The following PDE4D variants were observed in gnomAD, a reference collection of about 807,000 sequenced individuals.
PDE4D encodes 3',5'-cyclic-AMP phosphodiesterase 4D.
Under a neutral mutation model 87.4 loss-of-function variants are expected in PDE4D, and 24 were observed. That is an observed-to-expected ratio of 0.27 (90% confidence interval 0.20 to 0.39). The LOEUF is 0.39. PDE4D is among the 10% of genes least tolerant of loss of function. PDE4D has a pLI of 1.00. For synonymous variants in PDE4D, 384 were observed against 383.2 expected, an observed-to-expected ratio of 1.00 and a Z score of -0.02; for missense variants, 714 against 1,041.0, an observed-to-expected ratio of 0.69 and a Z score of 4.32.
At chr5:59,631,476 G>T (rs1381707526) in intron 1 of PDE4D, among the ~76,000 whole-genome samples, 1 of 150,034 alleles carries the variant, frequency 6.7e-6, no homozygotes, top group East Asian at 2.0e-4. Context: ...AATAGAAACA[G>T]CTCCGGCCTG....
chr5:60,496,313 A>T (rs1749813317), intron 1 of PDE4D, among the ~76,000 whole-genome samples: 1 of 152,200 alleles, frequency 6.6e-6, no homozygotes, highest in African/African-American at 2.4e-5. Context: ...ACTTGGTCTT[A>T]AACTGCCTAA....
At chr5:60,273,417 T>C (rs1751021885) in intron 1 of PDE4D, among the ~76,000 whole-genome samples, 1 of 152,182 alleles carries the variant, frequency 6.6e-6, no homozygotes, top group Non-Finnish European at 1.5e-5. Flanking sequence ...AAGCACCAGA[T>C]AATTAATAAT....
intron 3 of PDE4D, among the ~76,000 whole-genome samples, chr5:59,905,611 T>C (rs1467632696): frequency 6.6e-6 from 1 of 152,138 alleles, no homozygotes; most frequent in Non-Finnish European, 1.5e-5. Flanking sequence ...GTCAGTTTTT[T>C]CATCGATGAA....
intron 2 of PDE4D, among the ~76,000 whole-genome samples, chr5:59,202,090 A>G (rs970271125): frequency 1.4e-4 from 17 of 122,848 alleles, no homozygotes; most frequent in East Asian, 6.9e-4. Context: ...CCAGGCTGGA[A>G]TGCAGTGGCT....
chr5:59,906,886 C>T (rs549137254), intron 3 of PDE4D, among the ~76,000 whole-genome samples: 1 of 152,222 alleles, frequency 6.6e-6, no homozygotes, highest in South Asian at 2.1e-4. Flanking sequence ...TGGGTATATA[C>T]CCAAAGGAAT....
intron 5 of PDE4D, among the ~76,000 whole-genome samples, chr5:59,116,411 G>C (rs180692722): frequency 1.4e-4 from 22 of 152,236 alleles, no homozygotes; most frequent in Admixed American, 5.2e-4. Context: ...GACCTGCAGA[G>C]ACAGGTTTTA....
intron 1 of PDE4D, among the ~76,000 whole-genome samples, chr5:59,648,946 G>A (rs1247174320): frequency 1.3e-5 from 2 of 152,154 alleles, no homozygotes; most frequent in South Asian, 2.1e-4. Context: ...GTTCTCTCCC[G>A]AAAAGGCAAT....
Position 60,374,292 on chromosome 5 carries a change from C to A in PDE4D, c.-90+113650G>T, listed in dbSNP as rs530204811. 2.6e-5 allele frequency among the ~76,000 whole-genome samples: 4 copies of A among 151,882 alleles called. No individual in the cohort carries two copies. In the South Asian group the frequency reaches 6.2e-4, roughly 24 times the overall value. ...ACACTTTTTGCCATCTCTCTCCCCCCAAAAAAACACCATCAACATTTTGAA... is the reference window on the plus strand; with the variant it reads ...ACACTTTTTGCCATCTCTCTCCCCCAAAAAAAACACCATCAACATTTTGAA... On this transcript the variant is annotated intron_variant, in intron 1 of 16. Coordinates refer to the PDE4D transcript ENST00000502484.
chr5:60,186,870 G>A (rs1784824184), intron 1 of PDE4D, among the ~76,000 whole-genome samples: 1 of 152,108 alleles, frequency 6.6e-6, no homozygotes, highest in African/African-American at 2.4e-5. Flanking sequence ...CAAAATGAAA[G>A]CAGAGAAGCC....
chr5:59,822,995 C>T (rs1356164160), intron 1 of PDE4D, among the ~76,000 whole-genome samples: 2 of 152,206 alleles, frequency 1.3e-5, no homozygotes, highest in Admixed American at 6.5e-5. Context: ...GAGTTATACC[C>T]TGGTTTACAG....
At chr5:59,352,991 AT>A (rs1193498054) in intron 1 of PDE4D, among the ~76,000 whole-genome samples, 2 of 152,162 alleles carry the variant, frequency 1.3e-5, no homozygotes, top group Non-Finnish European at 1.5e-5. Context: ...CCCTATTACT[AT>A]AAAGGGCAAG....
chr5:60,051,903 C>T (rs763790993), intron 2 of PDE4D, among the ~76,000 whole-genome samples: 1 of 152,126 alleles, frequency 6.6e-6, no homozygotes, highest in Non-Finnish European at 1.5e-5. Flanking sequence ...TCAGAGTATA[C>T]TATGAACAGC....
chr5:59,689,361 G>T (rs1750496631), intron 1 of PDE4D, among the ~76,000 whole-genome samples: 1 of 152,164 alleles, frequency 6.6e-6, no homozygotes, highest in Non-Finnish European at 1.5e-5. Flanking sequence ...ACATCAAAAA[G>T]CTTATCCACC....
chr5:59,705,625 CTTAAA>C (rs1753273560), intron 1 of PDE4D, among the ~76,000 whole-genome samples: 1 of 152,172 alleles, frequency 6.6e-6, no homozygotes, highest in Non-Finnish European at 1.5e-5. Context: ...TAGCACCTTA[CTTAAA>C]TTAAGAAGAC....
At chr5:60,081,488 G>C (rs1773944707) in intron 2 of PDE4D, among the ~76,000 whole-genome samples, 1 of 152,038 alleles carries the variant, frequency 6.6e-6, no homozygotes, top group East Asian at 1.9e-4. Context: ...ATATTAGGGT[G>C]TCGATTTGAG....
chr5:59,392,512 T>TATATATATATAC (rs1788446955), intron 1 of PDE4D, among the ~76,000 whole-genome samples: 1 of 150,356 alleles, frequency 6.7e-6, no homozygotes, highest in South Asian at 2.1e-4. Context: ...TCTATATATA[T>TATATATATATAC]ATATATATAT....
chr5:59,173,550 C>T (rs542467755), intron 5 of PDE4D, among the ~76,000 whole-genome samples: 31 of 152,148 alleles, frequency 2.0e-4, no homozygotes, highest in Admixed American at 1.6e-3. Context: ...TTAGGAAATC[C>T]GACAGTCATT....
intron 1 of PDE4D, among the ~76,000 whole-genome samples, chr5:60,191,825 T>C (rs2149522365): frequency 6.6e-6 from 1 of 152,054 alleles, no homozygotes; most frequent in Middle Eastern, 3.4e-3. Context: ...GGTGAAACTC[T>C]GTCTCCATTA....
intron 2 of PDE4D, among the ~76,000 whole-genome samples, chr5:60,143,832 C>T (rs1452126044): frequency 6.6e-6 from 1 of 151,992 alleles, no homozygotes; most frequent in Admixed American, 6.6e-5. Context: ...CATAAGATCC[C>T]AAACTAGTCT....
Sources: allele counts gnomAD v4.1 joint callset (sites outside exome capture counted in the v4.1 genomes callset), GRCh38; gene constraint gnomAD v4.1.1; transcripts MANE v1.5; gene names NCBI Gene and HGNC (gene_info 2026-07-23, HGNC 2026-07-21).